The following TSPAN1 variants were observed in gnomAD, a reference collection of about 807,000 sequenced individuals.
TSPAN1 encodes the protein tetraspanin 1.
Under a neutral mutation model 26.9 loss-of-function variants are expected in TSPAN1, and 23 were observed. That is an observed-to-expected ratio of 0.85 (90% CI 0.62 to 1.21). The LOEUF is 1.21. TSPAN1 is among the 50% of genes most tolerant of loss of function. The pLI, the probability that TSPAN1 is intolerant of heterozygous loss-of-function variation, is 0.00. For missense variants in TSPAN1, 283 were observed against 298.4 expected, an observed-to-expected ratio of 0.95 and a Z score of 0.38; for synonymous variants, 115 against 114.8, an observed-to-expected ratio of 1.00 and a Z score of -0.01.
chr1:46,189,409 T>C, downstream of TSPAN1: 1 of 1,613,824 alleles, frequency 6.2e-7, no homozygotes, highest in East Asian at 2.2e-5. Flanking sequence ...GCTATATCCC[T>C]GGATCTCACT....
Position 46,184,596 on chromosome 1 carries a change from C to T in TSPAN1, c.267C>T (p.Phe89=), listed in dbSNP as rs994268189. The change falls in exon 5 of 9, where the codon TTC becomes TTT. Residue 89 remains phenylalanine, a splice_region_variant and synonymous_variant. Coordinates refer to ENST00000372003, the MANE Select transcript of TSPAN1 (RefSeq NM_005727.4). The part of the protein sequence containing the change: ...KTESKCALVT[F]FFILLLIFIA... The stretch of plus-strand genomic sequence containing the variant: ...CCAGACCCCTGTTCCCCACTCAGTT[C>T]TTCTTCATCCTCCTCCTCATCTTCA... 6.2e-7 allele frequency: 1 copy of T among 1,614,156 alleles called. No individual in the cohort carries two copies. The highest frequency in any genetic ancestry group is 8.5e-7 in the Non-Finnish European group (1 of 1,180,020).
chr1:46,178,098 T>G (rs1657225153), intron 1 of TSPAN1, among the ~76,000 whole-genome samples: 1 of 152,190 alleles, frequency 6.6e-6, no homozygotes, highest in African/African-American at 2.4e-5. Flanking sequence ...GGCTCACGCC[T>G]GTAATCCCAG....
At chr1:46,192,712 C>T in the TSPAN1 span, 1 of 1,597,786 alleles carries the variant, frequency 6.3e-7, no homozygotes, top group Non-Finnish European at 8.5e-7. Context: ...CTCCTTCCCC[C>T]AAATCCCCAC....
the TSPAN1 span, chr1:46,193,385 G>A: frequency 1.1e-5 from 18 of 1,611,936 alleles, no homozygotes; most frequent in South Asian, 1.4e-4. Context: ...ACATCCATGG[G>A]TTCCTGGGGG....
chr1:46,194,033 G>A, the TSPAN1 span: 7 of 1,565,410 alleles, frequency 4.5e-6, no homozygotes, highest in African/African-American at 8.1e-5. Context: ...GAGTAGACAG[G>A]GAAGGGATAG....
downstream of TSPAN1, chr1:46,189,390 A>T: frequency 3.1e-6 from 5 of 1,614,066 alleles, no homozygotes; most frequent in Non-Finnish European, 4.2e-6. Context: ...TATAGAGAAG[A>T]AGCCATTAGC....
chr1:46,192,199 G>A, the TSPAN1 span: 11 of 1,614,078 alleles, frequency 6.8e-6, no homozygotes, highest in Admixed American at 1.7e-5. Flanking sequence ...TCAGGCATCC[G>A]CATCCACATG....
At chr1:46,190,499 A>G (rs746196856), downstream of TSPAN1, 2 of 1,607,124 alleles carry the variant, frequency 1.2e-6, no homozygotes, top group East Asian at 2.2e-5. Context: ...CTTCCACTTC[A>G]TAAGCTTCTT....
the TSPAN1 span, chr1:46,194,741 C>T: frequency 6.2e-7 from 1 of 1,613,962 alleles, no homozygotes. Context: ...ATCCAACCCA[C>T]TGCCACTGGC....
chr1:46,194,663 C>A, the TSPAN1 span: 1 of 1,614,262 alleles, frequency 6.2e-7, no homozygotes, highest in Non-Finnish European at 8.5e-7. Flanking sequence ...TGGCAGGAGG[C>A]AGGAATGAGG....
chr1:46,176,384 G>A (rs184267116), intron 1 of TSPAN1: 31 of 1,535,770 alleles, frequency 2.0e-5, no homozygotes, highest in African/African-American at 9.6e-5. Flanking sequence ...CTGGGAAATC[G>A]GGGCCTGGGC....
downstream of TSPAN1, chr1:46,189,961 T>A: frequency 1.9e-6 from 3 of 1,614,142 alleles, no homozygotes; most frequent in Non-Finnish European, 2.5e-6. Context: ...TCACAAGGGT[T>A]CTTGCTGTGG....
At chr1:46,189,507 G>A (rs763071717), downstream of TSPAN1, 10 of 1,613,564 alleles carry the variant, frequency 6.2e-6, no homozygotes, top group East Asian at 2.2e-5. Context: ...TTCTTCTTCC[G>A]AAACAATCTC....
At chr1:46,187,231 G>A (rs1161702650), downstream of TSPAN1, among the ~76,000 whole-genome samples, 1 of 152,152 alleles carries the variant, frequency 6.6e-6, no homozygotes, top group Non-Finnish European at 1.5e-5. Flanking sequence ...CCTAGATTTG[G>A]GCCCAGAACT....
At chr1:46,191,216 G>A in the TSPAN1 span, 2 of 288,694 alleles carry the variant, frequency 6.9e-6, no homozygotes, top group East Asian at 1.7e-4. Context: ...CTCTCTGGGA[G>A]AGGAATGGGG....
chr1:46,178,819 T>C (rs1657246221), intron 1 of TSPAN1, among the ~76,000 whole-genome samples: 1 of 152,208 alleles, frequency 6.6e-6, no homozygotes, highest in African/African-American at 2.4e-5. Context: ...GGCAAGTACC[T>C]GACCCTTTGG....
intron 1 of TSPAN1, among the ~76,000 whole-genome samples, chr1:46,178,019 G>C (rs1657222626): frequency 6.6e-6 from 1 of 152,194 alleles, no homozygotes; most frequent in Admixed American, 6.5e-5. Flanking sequence ...CCAAGCACCA[G>C]GGCCATAGAT....
chr1:46,193,570 G>GT, the TSPAN1 span: 1 of 1,614,156 alleles, frequency 6.2e-7, no homozygotes, highest in Non-Finnish European at 8.5e-7. Context: ...TCACCTCATA[G>GT]TAGCCGTCAA....
At chr1:46,183,771 A>G (rs925108314) in intron 3 of TSPAN1, 7 of 264,420 alleles carry the variant, frequency 2.6e-5, no homozygotes, top group Non-Finnish European at 4.5e-5. Flanking sequence ...GTGACTATTG[A>G]GCCTGTTCTG....
Sources: gnomAD v4.1 joint callset for allele counts (sites outside exome capture counted in the v4.1 genomes callset) on GRCh38, gnomAD v4.1.1 for gene constraint, MANE v1.5 for transcripts, NCBI Gene and HGNC (gene_info 2026-07-23, HGNC 2026-07-21) for gene names.